The following WNK3 variants were observed in gnomAD, a reference collection of about 807,000 sequenced individuals.
WNK3 encodes serine/threonine-protein kinase WNK3.
A neutral mutation model predicts 116.7 loss-of-function variants in WNK3; 18 were observed. The observed-to-expected ratio is 0.15, with a 90% CI of 0.11 to 0.23. The LOEUF (loss-of-function observed/expected upper bound fraction) is 0.23, where lower values mean the gene tolerates loss of function less well. WNK3 is among the 10% of genes least tolerant of loss of function. WNK3 has a pLI of 1.00. For synonymous variants in WNK3, 404 were observed against 469.4 expected (o/e 0.86, Z 1.80); for missense variants, 993 against 1,323.8 (o/e 0.75, Z 3.88).
rs142515451 is a variant in WNK3 at position 54,330,762 on chromosome X, C to T, written c.537+2375G>A. Among the ~76,000 whole-genome samples the T allele has an allele frequency of 4.1e-3, 453 of 111,796 alleles. 3 individuals are homozygous for T. The highest frequency in any genetic ancestry group is 0.014 in the African/African-American group (439 of 30,824). ...GAGTTTGAGACCAACCAGGGCAACA[C>T]GGCAAAACCCATCTCTACTAAAAAT... On this transcript the variant is annotated intron_variant, in intron 2 of 23. Transcript: ENST00000354646.
At chrX:54,302,170 AT>A (rs1164324935) in intron 5 of WNK3, among the ~76,000 whole-genome samples, 2 of 111,765 alleles carry the variant, frequency 1.8e-5, no homozygotes, top group Non-Finnish European at 3.8e-5. Flanking sequence ...ATATACAGAA[AT>A]TAAAAATGTT....
intron 22 of WNK3, among the ~76,000 whole-genome samples, chrX:54,202,775 C>A (rs1019787818): frequency 9.1e-6 from 1 of 109,554 alleles, no homozygotes; most frequent in South Asian, 3.9e-4. Context: ...AAATAGTACT[C>A]ATAAAAATTA....
chrX:54,288,725 G>A (rs2068607147), intron 10 of WNK3, among the ~76,000 whole-genome samples: 1 of 111,406 alleles, frequency 9.0e-6, no homozygotes, highest in Admixed American at 9.6e-5. Flanking sequence ...CTGAAAGCTG[G>A]ACATTAAATA....
intron 1 of WNK3, among the ~76,000 whole-genome samples, chrX:54,352,674 C>T (rs2069533194): frequency 9.0e-6 from 1 of 111,260 alleles, no homozygotes; most frequent in African/African-American, 3.3e-5. Context: ...AGCCCTGTCT[C>T]AAAACAAAAC....
chrX:54,300,293 C>T (rs2068744527), intron 6 of WNK3, among the ~76,000 whole-genome samples: 1 of 111,023 alleles, frequency 9.0e-6, no homozygotes, highest in Admixed American at 9.7e-5. Flanking sequence ...GCTGGGACTA[C>T]AGGCGTGTGA....
At chrX:54,210,210 A>G (rs1489310632) in intron 22 of WNK3, among the ~76,000 whole-genome samples, 1 of 112,184 alleles carries the variant, frequency 8.9e-6, no homozygotes, top group Non-Finnish European at 1.9e-5. Flanking sequence ...AAACTACTGG[A>G]AGGTACATGT....
intron 2 of WNK3, among the ~76,000 whole-genome samples, chrX:54,325,296 G>A (rs1251868287): frequency 9.0e-6 from 1 of 111,439 alleles, no homozygotes; most frequent in African/African-American, 3.3e-5. Context: ...TGACCACAGA[G>A]TGAGGCTTAT....
chrX:54,300,557 G>A (rs1557167277), intron 6 of WNK3, among the ~76,000 whole-genome samples: 3 of 112,033 alleles, frequency 2.7e-5, no homozygotes, highest in African/African-American at 9.7e-5. Context: ...TTGACTTTAA[G>A]TCTGATGATG....
chrX:54,210,756 T>G (rs2067604347), intron 22 of WNK3, among the ~76,000 whole-genome samples: 1 of 112,289 alleles, frequency 8.9e-6, no homozygotes, highest in South Asian at 3.7e-4. Context: ...AAATAATTTC[T>G]GGCTTCCAGT....
At chrX:54,350,744 T>A (rs1188930991) in intron 1 of WNK3, among the ~76,000 whole-genome samples, 2 of 111,247 alleles carry the variant, frequency 1.8e-5, no homozygotes, top group African/African-American at 6.5e-5. Flanking sequence ...AGGGCTTTTT[T>A]AAACTGAAAC....
chrX:54,198,162 T>G, exon 24 of WNK3: 4 of 407,199 alleles, frequency 9.8e-6, no homozygotes, highest in Non-Finnish European at 1.6e-5. Flanking sequence ...TACAGAATGA[T>G]GAGCTGTATC....
At chrX:54,324,112 T>C (rs1306842254) in intron 2 of WNK3, among the ~76,000 whole-genome samples, 1 of 111,675 alleles carries the variant, frequency 9.0e-6, no homozygotes, top group African/African-American at 3.3e-5. Context: ...TCCACATTCG[T>C]TGGCTCATTG....
Position 54,220,438 on chromosome X carries a change from C to A in WNK3, c.4870+8276G>T, listed in dbSNP as rs1432326165. On this transcript the variant is annotated intron_variant, in intron 22 of 23. Coordinates refer to ENST00000354646, the Ensembl canonical transcript of WNK3. The stretch of plus-strand genomic sequence containing the variant: ...TGGTAGTGTGTACCTGTAGTCCCAG[C>A]TACTTGGGAGGCTGAGGTGGGAGGA... 3.6e-5 allele frequency among the ~76,000 whole-genome samples: 4 copies of A among 110,121 alleles called. No homozygotes were observed. The Admixed American group carries it at 3.9e-4, about 11-fold the overall frequency.
At chrX:54,210,500 G>A (rs375856611) in intron 22 of WNK3, among the ~76,000 whole-genome samples, 4 of 111,073 alleles carry the variant, frequency 3.6e-5, no homozygotes, top group African/African-American at 1.3e-4. Flanking sequence ...AGTGGCACAC[G>A]CCTATAGTCC....
chrX:54,311,924 T>C (rs1557169740), intron 2 of WNK3, among the ~76,000 whole-genome samples: 1 of 111,041 alleles, frequency 9.0e-6, no homozygotes, highest in African/African-American at 3.3e-5. Context: ...AAATCCTACA[T>C]TTCTAGACAA....
chrX:54,354,667 C>T (rs1283483450), intron 1 of WNK3, among the ~76,000 whole-genome samples: 1 of 111,241 alleles, frequency 9.0e-6, no homozygotes, highest in Non-Finnish European at 1.9e-5. Context: ...ACATCCTGCA[C>T]ATGTACCCCG....
At chrX:54,330,683 G>A (rs782238756) in intron 2 of WNK3, among the ~76,000 whole-genome samples, 4 of 112,095 alleles carry the variant, frequency 3.6e-5, no homozygotes, top group Admixed American at 1.9e-4. Context: ...AGTGGCTGAC[G>A]CCTGTAATCC....
intron 1 of WNK3, among the ~76,000 whole-genome samples, chrX:54,348,198 A>G (rs1418182728): frequency 1.8e-5 from 2 of 109,593 alleles, no homozygotes; most frequent in African/African-American, 6.7e-5. Context: ...TTTTTTTTTA[A>G]GACAGTCTCG....
intron 13 of WNK3, among the ~76,000 whole-genome samples, chrX:54,253,270 G>A (rs1467067397): frequency 9.1e-6 from 1 of 110,262 alleles, no homozygotes; most frequent in Non-Finnish European, 1.9e-5. Context: ...AATAATAAAA[G>A]GTAACTTTTT....
Sources: gnomAD v4.1 joint callset for allele counts (sites outside exome capture counted in the v4.1 genomes callset) on GRCh38, gnomAD v4.1.1 for gene constraint, MANE v1.5 for transcripts, NCBI Gene and HGNC (gene_info 2026-07-23, HGNC 2026-07-21) for gene names.